The following ALG1 variants were observed in gnomAD, a reference collection of about 807,000 sequenced individuals.
The protein encoded by ALG1 is chitobiosyldiphosphodolichol beta-mannosyltransferase.
A neutral mutation model predicts 55.1 loss-of-function variants in ALG1; 58 were observed. The observed-to-expected ratio is 1.05, with a 90% CI of 0.85 to 1.31. The LOEUF (loss-of-function observed/expected upper bound fraction) is 1.31, where lower values mean the gene tolerates loss of function less well. ALG1 is among the 50% of genes most tolerant of loss of function. The probability of loss-of-function intolerance (pLI) is 0.00; values close to 1 mark genes in which losing one functional copy is unlikely to be tolerated. For missense variants in ALG1, 761 were observed against 598.6 expected, an observed-to-expected ratio of 1.27 and a Z score of -2.83; for synonymous variants, 309 against 247.0, an observed-to-expected ratio of 1.25 and a Z score of -2.35.
Position 5,078,788 on chromosome 16 carries a change from T to C in ALG1, c.772T>C (p.Ser258Pro), listed in dbSNP as rs1567169336. ...SEPEDPVTERSAFTERDAGSG... is the reference protein window; with the variant it reads ...SEPEDPVTERPAFTERDAGSG... ...ACCTGAGGACCCAGTCACGGAGCGG[T>C]CGGCCTTCACGGAGCGGGATGCTGG... The change falls in exon 7 of 13, where the codon TCG becomes CCG. Residue 258 changes from serine to proline, a missense_variant. Ser to Pro is a moderately conservative substitution (Grantham distance 74, BLOSUM62 -1). Coordinates refer to ENST00000262374, the MANE Select transcript of ALG1 (RefSeq NM_019109.5). The C allele has an allele frequency of 1.2e-6, 2 of 1,612,826 alleles. No homozygotes were observed. The highest frequency in any genetic ancestry group is 1.7e-6 in the Non-Finnish European group (2 of 1,179,790).
chr16:5,085,529 A>C lies in ALG1; in HGVS notation c.*648A>C. On this transcript the variant is annotated 3_prime_UTR_variant, in exon 13 of 13. Transcript: ENST00000262374. ...CCTGATTTGGAAATTAACATTCTCC[A>C]AACATTCCAGTCCAATGAAAGTTTT... 1 of 940,510 alleles carries C rather than the reference A, an allele frequency of 1.1e-6. No individual in the cohort carries two copies. The highest frequency in any genetic ancestry group is 1.7e-6 in the Non-Finnish European group (1 of 571,868). The allele number at this position is 940,510 out of a possible 1,614,324, so 58.3% of individuals were successfully genotyped here. A position where few individuals can be genotyped will look rare whatever the true frequency, so the allele number is the denominator to read the frequency against.
In ALG1 at chr16:5,078,854, C is replaced by A. The variant is rs778029828; in HGVS notation, c.838C>A (p.Leu280Met). 5 of 1,611,674 alleles carry A rather than the reference C, an allele frequency of 3.1e-6. No homozygotes were observed. In the Admixed American group the frequency reaches 8.3e-5, roughly 27 times the overall value. ...GCGTCTCCGTGAGCGGCCAGCCCTG[C>A]TGGTCAGCAGCACGAGCTGGACAGG... ...VTRLRERPAL[L>M]VSSTSWTEDE... is the part of the protein sequence containing the mutation. The change falls in exon 7 of 13, where the codon CTG becomes ATG. Residue 280 changes from leucine to methionine, a missense_variant. Physicochemically the swap from Leu to Met is conservative, Grantham distance 15. Coordinates refer to ENST00000262374, the MANE Select transcript of ALG1 (RefSeq NM_019109.5).
chr16:5,078,099 C>A lies in ALG1; in HGVS notation c.740+82C>A, dbSNP rs1191021063. The A allele has an allele frequency of 1.1e-5, 17 of 1,492,606 alleles. No homozygotes were observed. In the South Asian group the frequency reaches 1.9e-4, roughly 17 times the overall value. The allele number at this position is 1,492,606 out of a possible 1,614,324, so 92.5% of individuals were successfully genotyped here. On this transcript the variant is annotated intron_variant, in intron 6 of 12. Coordinates refer to ENST00000262374, the MANE Select transcript of ALG1 (RefSeq NM_019109.5). ...CCCTTCTCACTGCAGACCTGGGAAC[C>A]CACTCATCCAGGGGTTGGCAAACTA... is the stretch of plus-strand genomic sequence containing the variant.
At chr16:5,083,634 T>C (rs758914818) in intron 11 of ALG1, 48 bp from the exon 12 acceptor site, 1 of 1,600,076 alleles carries the variant, frequency 6.2e-7, no homozygotes, top group Admixed American at 1.7e-5. Flanking sequence ...CCCAGGGGTC[T>C]GGTGTCTTCT....
Position 5,072,051 on chromosome 16 carries a change from T to A in ALG1, c.202T>A (p.Phe68Ile), listed in dbSNP as rs745549285. The A allele has an allele frequency of 1.3e-6, 2 of 1,573,798 alleles. No individual in the cohort carries two copies. The highest frequency in any genetic ancestry group is 1.8e-5 in the Admixed American group (1 of 55,026). ...CGGCTTCTCGGTGACCCTCCTGGGG[T>A]TCTGCAGTGAGTGGCCAAGGGTCTG... is the stretch of plus-strand genomic sequence containing the variant. Reference protein sequence around the residue: ...MHGFSVTLLGFCNSKPHDELL... With the variant: ...MHGFSVTLLGICNSKPHDELL... Residue 68 changes from phenylalanine to isoleucine, a missense_variant, in exon 1 of 13, where the codon TTC becomes ATC. Phe to Ile is a conservative substitution (Grantham distance 21). Transcript: ENST00000262374.
intron 4 of ALG1, among the ~76,000 whole-genome samples, chr16:5,076,581 A>G (rs1956918262): frequency 6.6e-6 from 1 of 152,202 alleles, no homozygotes; most frequent in Non-Finnish European, 1.5e-5. Context: ...ACAGGCGATG[A>G]TACCCTGGCG....
chr16:5,079,785 T>C lies in ALG1; in HGVS notation c.939T>C (p.Pro313=). The C allele has an allele frequency of 6.2e-7, 1 of 1,611,928 alleles. No homozygotes were observed. Among genetic ancestry groups the C allele is most frequent in the Non-Finnish European group, 8.5e-7 (1 of 1,179,786 alleles). The change falls in exon 9 of 13, where the codon CCT becomes CCC. Residue 313 remains proline, a synonymous_variant. Transcript: ENST00000262374. ...TGACTCTTGATGGACACAACCTTCCTTCTCTCGTCTGTGTGATAACAGGTA... is the reference window on the plus strand; with the variant it reads ...TGACTCTTGATGGACACAACCTTCCCTCTCTCGTCTGTGTGATAACAGGTA... ...EQLTLDGHNL[P]SLVCVITGKG... is the part of the protein sequence containing the mutation.
intron 12 of ALG1, 39 bp downstream of exon 12, chr16:5,083,796 C>T: frequency 2.5e-6 from 4 of 1,597,454 alleles, no homozygotes; most frequent in Non-Finnish European, 3.4e-6. Context: ...GGGGAGGGTT[C>T]TGGAGACTGG....
chr16:5,085,595 T>C lies in ALG1; in HGVS notation c.*714T>C. 2.1e-6 allele frequency: 3 copies of C among 1,412,718 alleles called. No individual in the cohort carries two copies. The highest frequency in any genetic ancestry group is 3.0e-6 in the Non-Finnish European group (3 of 998,082). The allele number at this position is 1,412,718 out of a possible 1,614,324, so 87.5% of individuals were successfully genotyped here. ...TAAAAATTCTTCCCATGAGAGTGAC[T>C]TGATTCTCACAATCCCGTTGGAGTC... is the stretch of plus-strand genomic sequence containing the variant. On this transcript the variant is annotated 3_prime_UTR_variant, in exon 13 of 13. Coordinates refer to ENST00000262374, the MANE Select transcript of ALG1 (RefSeq NM_019109.5).
intron 10 of ALG1, 50 bp downstream of exon 10, chr16:5,081,106 G>GGGGGGGGGCAA: frequency 1.4e-6 from 2 of 1,407,858 alleles, no homozygotes; most frequent in East Asian, 2.5e-5. Context: ...AACAGGGTGG[G>GGGGGGGGGCAA]CGGGATGTAC....
chr16:5,077,652 C>A, intron 5 of ALG1, 118 bp downstream of exon 5: 1 of 1,162,872 alleles, frequency 8.6e-7, no homozygotes, highest in Non-Finnish European at 1.3e-6. Context: ...TACTGAGGGC[C>A]TGGGAGGTGG....
rs914106606 is a variant in ALG1, at chr16:5,086,997, G to GT, written c.*2122dup. 1.4e-4 allele frequency: 21 copies of GT among 152,192 alleles called. No homozygotes were observed. Among genetic ancestry groups the GT allele is most frequent in the African/African-American group, 5.1e-4 (21 of 41,424 alleles). 9.4% of individuals were successfully genotyped at this position (152,192 alleles called of 1,614,324 possible). On this transcript the variant is annotated 3_prime_UTR_variant, in exon 13 of 13. Coordinates refer to ENST00000262374, the MANE Select transcript of ALG1 (RefSeq NM_019109.5). ...TGACCCGGGACGATTTTCAATCACA[G>GT]TTTTTTGTTACGAGTGGAAAATGCG...
chr16:5,073,525 T>C (rs1196312246), intron 3 of ALG1: 2 of 509,958 alleles, frequency 3.9e-6, no homozygotes, highest in Admixed American at 3.4e-5. Flanking sequence ...CTAAGAAATA[T>C]TGCATGTAGG....
intron 12 of ALG1, among the ~76,000 whole-genome samples, 157 bp downstream of exon 12, chr16:5,083,914 C>T (rs1160714705): frequency 6.6e-6 from 1 of 152,166 alleles, no homozygotes; most frequent in Non-Finnish European, 1.5e-5. Flanking sequence ...CTGGCCCACT[C>T]TGCTGTCCCG....
At chr16:5,073,574 G>C (rs1038689272) in intron 3 of ALG1, 5 of 426,794 alleles carry the variant, frequency 1.2e-5, no homozygotes, top group South Asian at 8.9e-5. Context: ...TTCTCATTTA[G>C]ATGAGAAAAC....
chr16:5,075,629 C>T, intron 4 of ALG1, 93 bp downstream of exon 4: 1 of 1,506,978 alleles, frequency 6.6e-7, no homozygotes, highest in Non-Finnish European at 9.1e-7. Flanking sequence ...GAAGTCGGTT[C>T]CTTGTGGGCT....
rs904528063 is a variant in ALG1 at position 5,085,825 on chromosome 16, T to G, written c.*944T>G. On this transcript the variant is annotated 3_prime_UTR_variant, in exon 13 of 13. Transcript: ENST00000262374. ...GGCTGCTAGGACAGGCCTGGCGGGG[T>G]AGGGGGGTGTCCAAGTCAGTTTACT... The G allele has an allele frequency of 1.0e-6, 1 of 986,428 alleles. No homozygotes were observed. Among genetic ancestry groups the G allele is most frequent in the Non-Finnish European group, 1.6e-6 (1 of 612,116 alleles). 61.1% of individuals were successfully genotyped at this position (986,428 alleles called of 1,614,324 possible). A position where few individuals can be genotyped will look rare whatever the true frequency, so the allele number is the denominator to read the frequency against.
intron 6 of ALG1, chr16:5,078,505 G>A: frequency 1.4e-6 from 1 of 727,678 alleles, no homozygotes. Context: ...GAGTCCAGGG[G>A]ATGATAAGAC....
chr16:5,078,545 C>T (rs1398626539), intron 6 of ALG1: 6 of 816,398 alleles, frequency 7.3e-6, no homozygotes, highest in Admixed American at 2.1e-5. Context: ...AGGAATGAGT[C>T]AGTCTTGTTT....
Sources: allele counts gnomAD v4.1 joint callset (sites outside exome capture counted in the v4.1 genomes callset), GRCh38; gene constraint gnomAD v4.1.1; transcripts MANE v1.5; gene names NCBI Gene and HGNC (gene_info 2026-07-23, HGNC 2026-07-21).